Variants in RELN observed in about 807,000 individuals in gnomAD.
RELN encodes the protein reelin.
Under a neutral mutation model 427.6 loss-of-function variants are expected in RELN, and 108 were observed. That is an observed-to-expected ratio of 0.25 (90% CI 0.22 to 0.30). The LOEUF (loss-of-function observed/expected upper bound fraction) is 0.30, where lower values mean the gene tolerates loss of function less well. RELN is among the 10% of genes least tolerant of loss of function. The probability of loss-of-function intolerance (pLI) is 1.00; values close to 1 mark genes in which losing one functional copy is unlikely to be tolerated. For synonymous variants in RELN, 1,524 were observed against 1,513.4 expected, an observed-to-expected ratio of 1.01 and a Z score of -0.16; for missense variants, 3,715 against 4,302.8, an observed-to-expected ratio of 0.86 and a Z score of 3.82.
intron 27 of RELN, among the ~76,000 whole-genome samples, chr7:103,592,242 T>C (rs1831433330): frequency 6.6e-6 from 1 of 152,162 alleles, no homozygotes; most frequent in African/African-American, 2.4e-5. Context: ...TACGTGTCCA[T>C]GTGTTCTCAT....
intron 20 of RELN, among the ~76,000 whole-genome samples, chr7:103,625,569 A>G (rs559646512): frequency 7.8e-4 from 119 of 152,290 alleles, no homozygotes; most frequent in African/African-American, 2.8e-3. Flanking sequence ...TGGCAGGCTC[A>G]TGGTAGGTAT....
At chr7:103,578,223 T>G (rs1377295735) in intron 28 of RELN, among the ~76,000 whole-genome samples, 1 of 152,194 alleles carries the variant, frequency 6.6e-6, no homozygotes, top group Admixed American at 6.5e-5. Flanking sequence ...TTGTTTGCAG[T>G]TATAGATCCT....
intron 60 of RELN, among the ~76,000 whole-genome samples, chr7:103,489,215 T>TGTGTGTGTGTGCGCGCGCGCACGCGC (rs1554362029): frequency 6.6e-6 from 1 of 151,446 alleles, no homozygotes; most frequent in African/African-American, 2.4e-5. Flanking sequence ...TGTGTGTGTG[T>TGTGTGTGTGTGCGCGCGCGCACGCGC]GTGTGTGTGT....
chr7:103,558,406 G>C (rs1830571720), intron 36 of RELN, among the ~76,000 whole-genome samples: 1 of 152,172 alleles, frequency 6.6e-6, no homozygotes, highest in South Asian at 2.1e-4. Context: ...GAAGCAGATG[G>C]AAAATGTGCC....
intron 11 of RELN, among the ~76,000 whole-genome samples, chr7:103,680,247 G>A (rs1201881251): frequency 6.6e-6 from 1 of 152,056 alleles, no homozygotes; most frequent in Non-Finnish European, 1.5e-5. Context: ...GTATTTATGT[G>A]TGTATCAGAA....
At chr7:103,476,445 A>C (rs1271041089) in intron 64 of RELN, among the ~76,000 whole-genome samples, 1 of 152,076 alleles carries the variant, frequency 6.6e-6, no homozygotes, top group South Asian at 2.1e-4. Flanking sequence ...GTGCCACTGC[A>C]CTCCAGCCTG....
chr7:103,750,637 AC>A (rs1790975228), intron 5 of RELN, among the ~76,000 whole-genome samples: 1 of 151,994 alleles, frequency 6.6e-6, no homozygotes. Flanking sequence ...TAATCTACTA[AC>A]CCATTTTTTC....
chr7:103,543,456 GC>G (rs1830219036), intron 42 of RELN, among the ~76,000 whole-genome samples: 1 of 152,040 alleles, frequency 6.6e-6, no homozygotes, highest in Admixed American at 6.6e-5. Flanking sequence ...GACCAGCCCG[GC>G]CAACATGACA....
Position 103,603,381 on chromosome 7 carries a change from C to G in RELN, c.3256G>C (p.Val1086Leu). ...QNGWESDWQE[V>L]IGGEIVKPEQ... ...GGTTTTACAATTTCTCCCCCAATAA[C>G]TTCTTGCCAGTCAGACTCCCAGCCA... Residue 1086 changes from valine (V) to leucine (L), a missense_variant, in exon 24 of 65, where the codon GTT becomes CTT. Val to Leu is a conservative substitution (Grantham distance 32, BLOSUM62 1). Around this residue, in one of 4 missense-constraint regions of RELN, gnomAD observed 2,208 missense variants for 2,361.7 expected, o/e 0.93. Transcript: ENST00000428762. The surrounding 1 kb of genome is among the most constrained non-coding windows in gnomAD (Gnocchi z 4.3). 7 of 1,613,900 alleles carry G rather than the reference C, an allele frequency of 4.3e-6. No individual in the cohort carries two copies. The highest frequency in any genetic ancestry group is 5.9e-6 in the Non-Finnish European group (7 of 1,179,830).
chr7:103,652,598 T>C lies in RELN; in HGVS notation c.1716A>G (p.Ile572Met). The C allele has an allele frequency of 6.2e-7, 1 of 1,612,900 alleles. No individual in the cohort carries two copies. Among genetic ancestry groups the C allele is most frequent in the Non-Finnish European group, 8.5e-7 (1 of 1,179,286 alleles). ...PVLPSTMSHMIQFSINLGCGT... is the reference protein window; with the variant it reads ...PVLPSTMSHMMQFSINLGCGT... ...CACATCCCAGATTGATGGAAAACTG[T>C]ATCATGTGAGACATTGTAGAAGGGA... is the stretch of plus-strand genomic sequence containing the variant. The change falls in exon 14 of 65, where the codon ATA becomes ATG. Residue 572 changes from isoleucine to methionine, a missense_variant. By Grantham distance (10) the Ile-to-Met change is conservative. Coordinates refer to ENST00000428762, the MANE Select transcript of RELN (RefSeq NM_005045.4).
rs759037917 is a variant in RELN, at chr7:103,989,089, C to A, written c.226+42G>T. On this transcript the variant is annotated intron_variant, in intron 1 of 64. Coordinates refer to ENST00000428762, the MANE Select transcript of RELN (RefSeq NM_005045.4). This position sits in a 1 kb window ranked among gnomAD's most constrained non-coding sequence, Gnocchi z 4.9. ...GGGATGAGAAAGGTGCGCTGGCGGG[C>A]GCACCCGGCGGCGGCGAGCGCGGAG... 6.4e-7 allele frequency: 1 copy of A among 1,555,264 alleles called. No individual in the cohort carries two copies. Among genetic ancestry groups the A allele is most frequent in the African/African-American group, 1.4e-5 (1 of 73,762 alleles).
intron 55 of RELN, among the ~76,000 whole-genome samples, chr7:103,497,528 C>A (rs1584234091): frequency 6.6e-6 from 1 of 152,104 alleles, no homozygotes; most frequent in Admixed American, 6.6e-5. Context: ...GGAAATCATA[C>A]AAAATGTATT....
intron 1 of RELN, among the ~76,000 whole-genome samples, chr7:103,934,891 A>C (rs1398806111): frequency 1.3e-5 from 2 of 152,190 alleles, no homozygotes; most frequent in Non-Finnish European, 2.9e-5. Flanking sequence ...AGACAGAACC[A>C]CACTAGGAAG....
At chr7:103,780,463 C>G (rs1791860544) in intron 3 of RELN, among the ~76,000 whole-genome samples, 1 of 152,140 alleles carries the variant, frequency 6.6e-6, no homozygotes, top group Non-Finnish European at 1.5e-5. Context: ...AAACTTGTGT[C>G]ACTGGGGTTT....
intron 3 of RELN, among the ~76,000 whole-genome samples, chr7:103,804,957 G>A (rs1792560494): frequency 6.6e-6 from 1 of 152,160 alleles, no homozygotes; most frequent in Middle Eastern, 3.4e-3. Context: ...TCATCAGGAG[G>A]TCTAGCAGGG....
At chr7:103,782,576 C>T (rs3819491) in intron 3 of RELN, among the ~76,000 whole-genome samples, 113,090 of 152,034 alleles carry the variant, frequency 0.74, 42,238 homozygotes, top group East Asian at 0.87. Flanking sequence ...TTATCCCCCA[C>T]AAGGCATTGG....
intron 1 of RELN, among the ~76,000 whole-genome samples, chr7:103,943,660 G>A (rs185570606): frequency 3.6e-4 from 55 of 151,958 alleles, no homozygotes; most frequent in African/African-American, 1.3e-3. Flanking sequence ...AGACCAGCTT[G>A]GCCAACATGG....
Position 103,595,176 on chromosome 7 carries a change from G to A in RELN, c.3540-684C>T, listed in dbSNP as rs549088032. 2.0e-5 allele frequency among the ~76,000 whole-genome samples: 3 copies of A among 152,212 alleles called. 1 individual carries two copies. Among genetic ancestry groups the A allele is most frequent in the African/African-American group, 7.2e-5 (3 of 41,522 alleles). ...CATTACATTTTTATTTACTTATAGAGTTACCTAGTCACCTTACTGAACTCT... is the reference window on the plus strand; with the variant it reads ...CATTACATTTTTATTTACTTATAGAATTACCTAGTCACCTTACTGAACTCT... On this transcript the variant is annotated intron_variant, in intron 25 of 64. Coordinates refer to ENST00000428762, the MANE Select transcript of RELN (RefSeq NM_005045.4).
At chr7:103,865,977 A>G (rs979916914) in intron 2 of RELN, among the ~76,000 whole-genome samples, 2 of 152,150 alleles carry the variant, frequency 1.3e-5, no homozygotes, top group East Asian at 3.8e-4. Flanking sequence ...TTTGAAAGCC[A>G]TGGAACCTTG....
Sources: allele counts gnomAD v4.1 joint callset (sites outside exome capture counted in the v4.1 genomes callset), GRCh38; gene constraint gnomAD v4.1.1; regional missense constraint gnomAD v4.1.1; non-coding constraint Gnocchi (gnomAD v3.1); transcripts MANE v1.5; gene names NCBI Gene and HGNC (gene_info 2026-07-23, HGNC 2026-07-21).